Variants in MCC observed in about 807,000 individuals in gnomAD.
MCC encodes the protein MCC regulator of Wnt signaling pathway, also known as colorectal mutant cancer protein.
A neutral mutation model predicts 116.2 loss-of-function variants in MCC; 90 were observed. The ratio of observed to expected loss-of-function variants is 0.77; its 90% CI spans 0.65 to 0.92. The LOEUF (loss-of-function observed/expected upper bound fraction) is 0.92. MCC is among the 40% of genes least tolerant of loss of function. The probability of loss-of-function intolerance (pLI) is 0.00; values close to 1 mark genes in which losing one functional copy is unlikely to be tolerated. For synonymous variants in MCC, 578 were observed against 510.5 expected (o/e 1.13, Z -1.78); for missense variants, 1,516 against 1,312.2 (o/e 1.16, Z -2.40).
At chr5:113,419,946 C>A (rs1304380262) in intron 1 of MCC, among the ~76,000 whole-genome samples, 1 of 150,362 alleles carries the variant, frequency 6.7e-6, no homozygotes, top group Non-Finnish European at 1.5e-5. Flanking sequence ...GGGTGCAGCA[C>A]ACCAACATGG....
chr5:113,303,947 G>A (rs900948164), intron 3 of MCC, among the ~76,000 whole-genome samples: 21 of 152,274 alleles, frequency 1.4e-4, no homozygotes, highest in East Asian at 7.7e-4. Context: ...GAGCCACCAC[G>A]CTAGCCTGGA....
intron 2 of MCC, among the ~76,000 whole-genome samples, chr5:113,378,702 C>T (rs1769041355): frequency 1.3e-5 from 2 of 152,166 alleles, no homozygotes; most frequent in Non-Finnish European, 2.9e-5. Flanking sequence ...CTTCAGTGGC[C>T]ATCAGCCTGA....
At chr5:113,247,188 T>G (rs1317828056) in intron 3 of MCC, among the ~76,000 whole-genome samples, 1 of 152,144 alleles carries the variant, frequency 6.6e-6, no homozygotes, top group African/African-American at 2.4e-5. Context: ...ATAATATGAT[T>G]AGCAAAAAAT....
intron 3 of MCC, among the ~76,000 whole-genome samples, chr5:113,226,961 G>T (rs533650579): frequency 6.6e-6 from 1 of 152,248 alleles, no homozygotes; most frequent in South Asian, 2.1e-4. Context: ...TACCTGACTT[G>T]TATATTACTG....
intron 3 of MCC, among the ~76,000 whole-genome samples, chr5:113,199,618 T>C (rs1762585702): frequency 6.6e-6 from 1 of 152,206 alleles, no homozygotes; most frequent in Non-Finnish European, 1.5e-5. Flanking sequence ...AGACACTGTG[T>C]GCCATGGGCC....
At chr5:113,413,099 C>A (rs1375976583) in intron 1 of MCC, among the ~76,000 whole-genome samples, 1 of 152,138 alleles carries the variant, frequency 6.6e-6, no homozygotes, top group African/African-American at 2.4e-5. Context: ...GTTGAACCAG[C>A]CTTGCATCCC....
intron 1 of MCC, among the ~76,000 whole-genome samples, chr5:113,482,635 A>G (rs1026542577): frequency 2.6e-5 from 4 of 152,162 alleles, no homozygotes; most frequent in African/African-American, 9.7e-5. Flanking sequence ...AGTATTCTTT[A>G]TAAATTCTAA....
intron 6 of MCC, among the ~76,000 whole-genome samples, chr5:113,120,277 T>TG (rs2150268652): frequency 6.6e-6 from 1 of 152,332 alleles, no homozygotes; most frequent in African/African-American, 2.4e-5. Context: ...GGCATATGCA[T>TG]GGTCTGGTTG....
intron 2 of MCC, among the ~76,000 whole-genome samples, chr5:113,356,155 T>C (rs1199792721): frequency 6.6e-6 from 1 of 150,894 alleles, no homozygotes; most frequent in Non-Finnish European, 1.5e-5. Flanking sequence ...ATCCAACTCC[T>C]GAGCTCGAGT....
chr5:113,468,910 G>A (rs926744088), intron 1 of MCC, among the ~76,000 whole-genome samples: 5 of 152,152 alleles, frequency 3.3e-5, no homozygotes, highest in African/African-American at 1.2e-4. Flanking sequence ...TTTAGTCTTG[G>A]GAGGGTGTAT....
intron 14 of MCC, among the ~76,000 whole-genome samples, chr5:113,059,606 TG>T (rs912509721): frequency 6.6e-6 from 1 of 152,220 alleles, no homozygotes; most frequent in African/African-American, 2.4e-5. Context: ...AGAGCGACTG[TG>T]GGGGAAGGCT....
chr5:113,081,738 A>C (rs1411830448), intron 11 of MCC, among the ~76,000 whole-genome samples: 1 of 150,638 alleles, frequency 6.6e-6, no homozygotes, highest in African/African-American at 2.4e-5. Flanking sequence ...GGATTTAATA[A>C]GGAAACCATT....
chr5:113,425,056 G>C (rs1770444949), intron 1 of MCC, among the ~76,000 whole-genome samples: 1 of 152,080 alleles, frequency 6.6e-6, no homozygotes, highest in Admixed American at 6.6e-5. Flanking sequence ...GTTTCCATGA[G>C]ATAGGGTCCA....
chr5:113,294,983 G>A (rs975970876), intron 3 of MCC: 2 of 985,180 alleles, frequency 2.0e-6, no homozygotes, highest in Non-Finnish European at 2.4e-6. Flanking sequence ...CTGGCCACGG[G>A]GTGCGCGGAG....
intron 18 of MCC, among the ~76,000 whole-genome samples, chr5:113,028,069 G>C (rs1279665686): frequency 6.6e-6 from 1 of 152,198 alleles, no homozygotes; most frequent in African/African-American, 2.4e-5. Flanking sequence ...TATACAGTGA[G>C]CCCAGGTAGG....
chr5:113,210,933 T>C (rs968646835), intron 3 of MCC, among the ~76,000 whole-genome samples: 2 of 152,238 alleles, frequency 1.3e-5, no homozygotes, highest in Non-Finnish European at 2.9e-5. Context: ...CTTCAAGCTC[T>C]TGACCTTCCC....
chr5:113,068,817 TGA>T (rs1367888316), intron 12 of MCC, among the ~76,000 whole-genome samples: 2 of 152,160 alleles, frequency 1.3e-5, no homozygotes, highest in Non-Finnish European at 2.9e-5. Context: ...AATCCCCCAC[TGA>T]GGTCTCAGAT....
Position 113,024,561 on chromosome 5 carries a change from G to T in MCC, c.*2741C>A, listed in dbSNP as rs1380935471. The T allele has an allele frequency of 6.6e-6, 1 of 152,128 alleles. No individual in the cohort carries two copies. Among genetic ancestry groups the T allele is most frequent in the Non-Finnish European group, 1.5e-5 (1 of 68,020 alleles). 9.4% of individuals were successfully genotyped at this position (152,128 alleles called of 1,614,324 possible). A position where few individuals can be genotyped will look rare whatever the true frequency, so the allele number is the denominator to read the frequency against. On this transcript the variant is annotated 3_prime_UTR_variant, in exon 19 of 19. Transcript: ENST00000408903. ...CAGAGATGGTTACTGACTAAAAGGG[G>T]GTAACCACTGAGGAAACTAGGGAGA...
intron 17 of MCC, among the ~76,000 whole-genome samples, chr5:113,031,690 C>A (rs184296848): frequency 1.3e-4 from 20 of 152,270 alleles, no homozygotes; most frequent in African/African-American, 4.1e-4. Context: ...CTCCCTCCCC[C>A]ACTCCTATCC....
Sources: allele counts gnomAD v4.1 joint callset (sites outside exome capture counted in the v4.1 genomes callset), GRCh38; gene constraint gnomAD v4.1.1; transcripts MANE v1.5; gene names NCBI Gene and HGNC (gene_info 2026-07-23, HGNC 2026-07-21).